Variants in PCDH11X observed in about 807,000 individuals in gnomAD.
PCDH11X encodes protocadherin 11 X-linked.
A neutral mutation model predicts 53.3 loss-of-function variants in PCDH11X; 18 were observed. The observed-to-expected ratio is 0.34, with a 90% CI of 0.23 to 0.50. PCDH11X has a LOEUF of 0.50. Ranked by LOEUF, PCDH11X falls within the 20% of genes least tolerant of loss-of-function variation. PCDH11X has a pLI of 0.98. For missense variants in PCDH11X, 570 were observed against 1,032.4 expected (o/e 0.55, Z 6.14); for synonymous variants, 279 against 393.3 (o/e 0.71, Z 3.44).
intron 8 of PCDH11X, among the ~76,000 whole-genome samples, chrX:92,375,726 G>A (rs2070737851): frequency 9.2e-6 from 1 of 108,550 alleles, no homozygotes; most frequent in African/African-American, 3.4e-5. Context: ...CTGGGTTCAA[G>A]CAGTTCCCTG....
chrX:92,547,718 TTTTC>T (rs1050749042), intron 10 of PCDH11X, among the ~76,000 whole-genome samples: 2 of 110,932 alleles, frequency 1.8e-5, no homozygotes, highest in African/African-American at 3.3e-5. Context: ...GGGCTTTTTC[TTTTC>T]TTTATTTTTT....
intron 8 of PCDH11X, among the ~76,000 whole-genome samples, chrX:92,284,141 A>G (rs1485166082): frequency 9.1e-6 from 1 of 109,545 alleles, no homozygotes; most frequent in African/African-American, 3.3e-5. Context: ...AATGTAGCCA[A>G]TCACTGCCAA....
chrX:92,277,967 C>T (rs1233491413), intron 8 of PCDH11X, among the ~76,000 whole-genome samples: 1 of 111,850 alleles, frequency 8.9e-6, no homozygotes, highest in Non-Finnish European at 1.9e-5. Flanking sequence ...ACCTTTGAAA[C>T]ATAGGTGAAT....
intron 9 of PCDH11X, among the ~76,000 whole-genome samples, chrX:92,440,455 A>G (rs2072488984): frequency 9.2e-6 from 1 of 109,227 alleles, no homozygotes; most frequent in Non-Finnish European, 1.9e-5. Flanking sequence ...TCGAATACCC[A>G]TGCATTGTGG....
At chrX:91,895,576 T>C (rs914991590) in intron 6 of PCDH11X, among the ~76,000 whole-genome samples, 8 of 110,491 alleles carry the variant, frequency 7.2e-5, no homozygotes, top group African/African-American at 2.6e-4. Context: ...CACATATTCA[T>C]GCCCCCAAGT....
intron 10 of PCDH11X, among the ~76,000 whole-genome samples, chrX:92,497,235 C>G (rs769034839): frequency 2.9e-4 from 32 of 108,971 alleles, no homozygotes; most frequent in African/African-American, 9.9e-4. Context: ...TCTTTCAGGT[C>G]AGGTGATATG....
intron 6 of PCDH11X, among the ~76,000 whole-genome samples, chrX:92,151,409 G>A (rs1238125520): frequency 9.0e-6 from 1 of 110,512 alleles, no homozygotes; most frequent in African/African-American, 3.3e-5. Context: ...AGCCAGGATG[G>A]TCTCGATCTC....
intron 3 of PCDH11X, among the ~76,000 whole-genome samples, chrX:91,810,829 T>C (rs1156312909): frequency 1.8e-5 from 2 of 111,878 alleles, no homozygotes; most frequent in East Asian, 2.8e-4. Flanking sequence ...CTATTCCATA[T>C]AAATAAAACT....
At chrX:91,931,127 GGTGTGTGT>G (rs199653186) in intron 6 of PCDH11X, among the ~76,000 whole-genome samples, 190 of 98,812 alleles carry the variant, frequency 1.9e-3, no homozygotes, top group East Asian at 6.3e-3. Context: ...AAGCTTTAGT[GGTGTGTGT>G]GTGTGTGTGT....
At chrX:92,274,100 G>T (rs2068023177) in intron 8 of PCDH11X, among the ~76,000 whole-genome samples, 1 of 104,702 alleles carries the variant, frequency 9.6e-6, no homozygotes, top group South Asian at 4.7e-4. Flanking sequence ...CACAGTCTAA[G>T]TTGGTCTGGT....
At chrX:92,287,109 T>C (rs2068391204) in intron 8 of PCDH11X, among the ~76,000 whole-genome samples, 1 of 111,829 alleles carries the variant, frequency 8.9e-6, no homozygotes, top group African/African-American at 3.2e-5. Context: ...GTTGTTGGAA[T>C]TGACTGTCAG....
chrX:91,967,007 A>G (rs180808390), intron 6 of PCDH11X, among the ~76,000 whole-genome samples: 10,051 of 69,259 alleles, frequency 0.15, 1,117 homozygotes, highest in African/African-American at 0.37. Flanking sequence ...ACTGGCCCCA[A>G]TGTGTGTTGT....
intron 8 of PCDH11X, among the ~76,000 whole-genome samples, chrX:92,326,582 G>A (rs1358228691): frequency 1.5e-5 from 1 of 68,526 alleles, no homozygotes; most frequent in Non-Finnish European, 2.5e-5. Flanking sequence ...CCTTTATTAT[G>A]TTACTCTCTA....
intron 6 of PCDH11X, among the ~76,000 whole-genome samples, chrX:92,088,546 A>G (rs2063996944): frequency 9.0e-6 from 1 of 110,543 alleles, no homozygotes; most frequent in South Asian, 3.8e-4. Context: ...TGCTTATTAC[A>G]ATTCATCAAA....
rs1005688987 is a variant in PCDH11X, at chrX:92,495,847, G to A, written c.3367+27525G>A. On this transcript the variant is annotated intron_variant, in intron 10 of 10. Coordinates refer to ENST00000682573, the MANE Select transcript of PCDH11X (RefSeq NM_032968.5). ...GAGACTTACTCACTACCACAAGAGC[G>A]GTATGGGGGAAACTGCCCACATGAT... Among the ~76,000 whole-genome samples the A allele has an allele frequency of 5.7e-5, 6 of 105,891 alleles. 1 individual carries two copies. The highest frequency in any genetic ancestry group is 7.6e-5 in the Non-Finnish European group (4 of 52,558). The allele number at this position is 105,891 out of a possible 115,157, so 92.0% of individuals were successfully genotyped here.
In PCDH11X at chrX:91,946,477, A is replaced by G. The variant is rs568837284; in HGVS notation, c.3033+67204A>G. 2.6e-3 allele frequency among the ~76,000 whole-genome samples: 250 copies of G among 97,329 alleles called. 3 individuals are homozygous for G. In the South Asian group the frequency reaches 0.064, roughly 25 times the overall value. The allele number at this position is 97,329 out of a possible 115,157, so 84.5% of individuals were successfully genotyped here. ...TTGACTGCAAGTATTGTAAATGACC[A>G]TAAAAAATATAAGAAAGCTGTGCTT... On this transcript the variant is annotated intron_variant, in intron 6 of 10. Transcript: ENST00000682573.
At chrX:92,332,870 A>G (rs189518779) in intron 8 of PCDH11X, among the ~76,000 whole-genome samples, 159 of 112,006 alleles carry the variant, frequency 1.4e-3, no homozygotes, top group African/African-American at 5.0e-3. Context: ...GTAGACTGCT[A>G]GCTTATCCTG....
intron 8 of PCDH11X, among the ~76,000 whole-genome samples, chrX:92,311,468 C>A (rs780845565): frequency 9.0e-6 from 1 of 110,918 alleles, no homozygotes; most frequent in Non-Finnish European, 1.9e-5. Flanking sequence ...GAGAAAAAAG[C>A]CCCCCAAAAC....
At chrX:92,507,877 G>A (rs1192175009) in intron 10 of PCDH11X, among the ~76,000 whole-genome samples, 7 of 110,669 alleles carry the variant, frequency 6.3e-5, no homozygotes, top group Non-Finnish European at 1.3e-4. Flanking sequence ...CAGTGGCAGA[G>A]TCTTGGCTCA....
Sources: gnomAD v4.1 joint callset for allele counts (sites outside exome capture counted in the v4.1 genomes callset) on GRCh38, gnomAD v4.1.1 for gene constraint, MANE v1.5 for transcripts, NCBI Gene and HGNC (gene_info 2026-07-23, HGNC 2026-07-21) for gene names.